The following VPS72 variants were observed in gnomAD, a reference collection of about 807,000 sequenced individuals.
VPS72 encodes vacuolar protein sorting-associated protein 72 homolog.
Under a neutral mutation model 38.9 loss-of-function variants are expected in VPS72, and 27 were observed. The ratio of observed to expected loss-of-function variants is 0.69; its 90% confidence interval spans 0.51 to 0.96. VPS72 has a LOEUF of 0.96. Among genes scored for constraint, VPS72 ranks in the 40% least tolerant of loss-of-function variants. The pLI is 0.00. For missense variants in VPS72, 360 were observed against 479.5 expected, an observed-to-expected ratio of 0.75 and a Z score of 2.33; for synonymous variants, 173 against 186.3, an observed-to-expected ratio of 0.93 and a Z score of 0.58.
chr1:151,186,735 A>AAT (rs1684359521), intron 1 of VPS72, among the ~76,000 whole-genome samples: 1 of 152,182 alleles, frequency 6.6e-6, no homozygotes, highest in Non-Finnish European at 1.5e-5. Context: ...GATCTAAGTA[A>AAT]AACTTTTCTC....
At chr1:151,183,531 G>A (rs1026307005) in intron 4 of VPS72, among the ~76,000 whole-genome samples, 6 of 150,072 alleles carry the variant, frequency 4.0e-5, no homozygotes, top group African/African-American at 9.8e-5. Context: ...GTGTGATCTC[G>A]GCTCATTGCA....
intron 3 of VPS72, 48 bp from the exon 4 acceptor site, chr1:151,184,541 A>G (rs1684307575): frequency 6.8e-7 from 1 of 1,480,166 alleles, no homozygotes; most frequent in Non-Finnish European, 9.0e-7. Flanking sequence ...ATGTCCACAT[A>G]TTTTATTTAT....
rs1465450346 is a variant in VPS72, at chr1:151,184,588, TTC to T, written c.386-97_386-96del. ...TGTTGTACTTGGAAATAATTTTTTT[TTC>T]TTTTTTTTTTTTTGAGATGGAATCT... On this transcript the variant is annotated intron_variant, in intron 3 of 5. Transcript: ENST00000368892. The T allele has an allele frequency of 3.6e-5, 49 of 1,350,076 alleles. No homozygotes were observed. In the African/African-American group the frequency reaches 6.5e-4, roughly 18 times the overall value. The allele number at this position is 1,350,076 out of a possible 1,614,324, so 83.6% of individuals were successfully genotyped here. A position where few individuals can be genotyped will look rare whatever the true frequency, so the allele number is the denominator to read the frequency against.
At chr1:151,187,250 G>A (rs895195834) in intron 1 of VPS72, among the ~76,000 whole-genome samples, 18 of 152,114 alleles carry the variant, frequency 1.2e-4, no homozygotes, top group African/African-American at 4.3e-4. Context: ...AGTCAACTGG[G>A]CTGGCTGACA....
chr1:151,179,512 T>C (rs1387695505), intron 4 of VPS72, among the ~76,000 whole-genome samples: 1 of 152,018 alleles, frequency 6.6e-6, no homozygotes, highest in Non-Finnish European at 1.5e-5. Context: ...GGCAGGAGAA[T>C]GGCGTGAACC....
chr1:151,178,209 C>T, intron 4 of VPS72, 64 bp from the exon 5 acceptor site: 2 of 1,547,892 alleles, frequency 1.3e-6, no homozygotes, highest in Non-Finnish European at 8.7e-7. Flanking sequence ...TATCCCAGTA[C>T]TGTCCCACGA....
At chr1:151,185,242 C>T (rs921418866) in intron 3 of VPS72, among the ~76,000 whole-genome samples, 1 of 152,110 alleles carries the variant, frequency 6.6e-6, no homozygotes, top group Non-Finnish European at 1.5e-5. Flanking sequence ...TCTCCTGCCT[C>T]AGCCTCCCAA....
chr1:151,185,820 C>T lies in VPS72; in HGVS notation c.248G>A (p.Arg83Gln), dbSNP rs367758804. The T allele has an allele frequency of 3.4e-5, 55 of 1,614,024 alleles. No homozygotes were observed. Among genetic ancestry groups the T allele is most frequent in the Non-Finnish European group, 4.4e-5 (52 of 1,180,028 alleles). Residue 83 changes from arginine (R) to glutamine (Q), a missense_variant, in exon 2 of 6, where the codon CGA (arginine) becomes CAA (glutamine). Arg to Gln is a conservative substitution (Grantham distance 43, BLOSUM62 1). Transcript: ENST00000368892. ...TACCTTATAGGCCTTGGTGACTACT[C>T]GGCGCTTCCTTCTTGGCTCTTCTGC... ...GEAEEPRRKRRVVTKAYKEPL... is the reference protein window; with the variant it reads ...GEAEEPRRKRQVVTKAYKEPL...
intron 5 of VPS72, 53 bp from the exon 6 acceptor site, chr1:151,177,084 G>A: frequency 6.7e-7 from 1 of 1,487,362 alleles, no homozygotes; most frequent in Non-Finnish European, 8.9e-7. Flanking sequence ...GAAGACAACA[G>A]ATACAGAAAG....
At chr1:151,178,636 A>C (rs1684169111) in intron 4 of VPS72, among the ~76,000 whole-genome samples, 1 of 152,184 alleles carries the variant, frequency 6.6e-6, no homozygotes. Context: ...ATCTCCAAAA[A>C]AAAAATTAGT....
intron 3 of VPS72, 97 bp from the exon 4 acceptor site, chr1:151,184,590 C>CTTT: frequency 3.5e-5 from 36 of 1,018,686 alleles, no homozygotes; most frequent in Non-Finnish European, 4.1e-5. Context: ...ATTTTTTTTT[C>CTTT]TTTTTTTTTT....
rs373995220 is a variant in VPS72, at chr1:151,183,729, C to T, written c.562+588G>A. Among the ~76,000 whole-genome samples the T allele has an allele frequency of 1.5e-3, 226 of 151,940 alleles. 1 individual carries two copies. The highest frequency in any genetic ancestry group is 5.3e-3 in the African/African-American group (219 of 41,450). On this transcript the variant is annotated intron_variant, in intron 4 of 5. Transcript: ENST00000368892. The stretch of plus-strand genomic sequence containing the variant: ...CACCCACCTTGGCCTCCCAAAGTGC[C>T]GGGATTACAGGTATGAGCCACTGCG...
chr1:151,177,387 CAAAA>C (rs11350080), intron 5 of VPS72, among the ~76,000 whole-genome samples: 3 of 102,906 alleles, frequency 2.9e-5, no homozygotes, highest in Non-Finnish European at 4.0e-5. Context: ...GACTCCATCT[CAAAA>C]AAAAAAAAAA....
chr1:151,177,600 C>T (rs1684144176), intron 5 of VPS72, among the ~76,000 whole-genome samples: 1 of 152,018 alleles, frequency 6.6e-6, no homozygotes, highest in Non-Finnish European at 1.5e-5. Context: ...GGCGCGGTGG[C>T]TCACACCTGT....
intron 4 of VPS72, among the ~76,000 whole-genome samples, chr1:151,180,187 C>A (rs1684209100): frequency 6.7e-6 from 1 of 149,936 alleles, no homozygotes; most frequent in African/African-American, 2.4e-5. Context: ...GGCGTGGTGG[C>A]TTGCACCTGT....
chr1:151,188,061 G>C (rs763415407), intron 1 of VPS72, among the ~76,000 whole-genome samples: 1 of 123,162 alleles, frequency 8.1e-6, no homozygotes, highest in Non-Finnish European at 1.7e-5. Flanking sequence ...TTTTTTTTTT[G>C]AGACAGAGTC....
At position 151,176,714 on chromosome 1, in the gene VPS72, C is replaced by T. The variant is rs200165834; in HGVS notation, c.1025G>A (p.Gly342Asp). The T allele has an allele frequency of 6.2e-7, 1 of 1,614,116 alleles. No individual in the cohort carries two copies. Among genetic ancestry groups the T allele is most frequent in the Non-Finnish European group, 8.5e-7 (1 of 1,180,036 alleles). The change falls in exon 6 of 6, where the codon GGC becomes GAC. Residue 342 changes from glycine (G) to aspartate (D), a missense_variant. By Grantham distance (94) the Gly-to-Asp change is moderately conservative (BLOSUM62 -1). Around this residue, in one of 2 missense-constraint regions of VPS72, gnomAD observed 294 missense variants for 356.3 expected, o/e 0.83. Transcript: ENST00000368892. Reference protein sequence around the residue: ...LPPTASALGPGPPPPEPLPGS... With the variant: ...LPPTASALGPDPPPPEPLPGS... Reference sequence around the variant, plus strand: ...AGGGAGGGGCTCAGGAGGTGGCGGGCCGGGGCCCAGGGCTGAGGCAGTGGG... The same window carrying T: ...AGGGAGGGGCTCAGGAGGTGGCGGGTCGGGGCCCAGGGCTGAGGCAGTGGG...
chr1:151,184,539 A>G (rs770648412), intron 3 of VPS72, 46 bp from the exon 4 acceptor site: 22 of 1,499,458 alleles, frequency 1.5e-5, no homozygotes, highest in South Asian at 1.3e-4. Context: ...TCATGTCCAC[A>G]TATTTTATTT....
Position 151,188,634 on chromosome 1 carries a change from A to G in VPS72, c.117+1371T>C, listed in dbSNP as rs587614401. Among the ~76,000 whole-genome samples, 254 of 152,274 alleles carry G rather than the reference A, an allele frequency of 1.7e-3. 3 individuals carry two copies. Among genetic ancestry groups the G allele is most frequent in the African/African-American group, 5.7e-3 (237 of 41,578 alleles). On this transcript the variant is annotated intron_variant, in intron 1 of 5. Coordinates refer to ENST00000368892, the MANE Select transcript of VPS72 (RefSeq NM_005997.3). ...TTGCAGGTCCTAGACCAGGATCTCA[A>G]TGTCTTTACATACTCAGCCCATCCT...
Sources: allele counts gnomAD v4.1 joint callset (sites outside exome capture counted in the v4.1 genomes callset), GRCh38; gene constraint gnomAD v4.1.1; regional missense constraint gnomAD v4.1.1; transcripts MANE v1.5; gene names NCBI Gene and HGNC (gene_info 2026-07-23, HGNC 2026-07-21).